Variants in ELMO1 observed in about 807,000 individuals in gnomAD.
ELMO1 encodes engulfment and cell motility protein 1.
In ELMO1, 26 loss-of-function variants were observed where a neutral mutation model predicts 98.9. The ratio of observed to expected loss-of-function variants is 0.26; its 90% CI spans 0.19 to 0.36. ELMO1 has a LOEUF of 0.36. Ranked by LOEUF, ELMO1 falls within the 10% of genes least tolerant of loss-of-function variation. The pLI is 1.00. For synonymous variants in ELMO1, 346 were observed against 346.0 expected, an observed-to-expected ratio of 1.00 and a Z score of 0.00; for missense variants, 627 against 935.2, an observed-to-expected ratio of 0.67 and a Z score of 4.30.
At chr7:37,049,522 T>C (rs1795984807) in intron 15 of ELMO1, among the ~76,000 whole-genome samples, 3 of 152,240 alleles carry the variant, frequency 2.0e-5, no homozygotes, top group East Asian at 3.9e-4. Flanking sequence ...TGGCTTCTTC[T>C]TGGGAGCCTG....
At chr7:37,331,201 G>A (rs987024699) in intron 2 of ELMO1, among the ~76,000 whole-genome samples, 4 of 149,562 alleles carry the variant, frequency 2.7e-5, no homozygotes, top group African/African-American at 7.4e-5. Context: ...ACACAGTCTC[G>A]CTCTGTCGCC....
intron 13 of ELMO1, among the ~76,000 whole-genome samples, chr7:37,141,139 C>T (rs1428874044): frequency 6.6e-6 from 1 of 152,164 alleles, no homozygotes; most frequent in African/African-American, 2.4e-5. Context: ...CCCAAATGCC[C>T]ATCAATCAAT....
chr7:37,156,041 C>T (rs541481513), intron 13 of ELMO1, among the ~76,000 whole-genome samples: 30 of 152,258 alleles, frequency 2.0e-4, no homozygotes, highest in East Asian at 3.9e-4. Context: ...TGCACAACTA[C>T]GTGGAAACTG....
intron 16 of ELMO1, among the ~76,000 whole-genome samples, chr7:36,925,184 C>G (rs1456797868): frequency 6.6e-6 from 1 of 152,170 alleles, no homozygotes; most frequent in Non-Finnish European, 1.5e-5. Flanking sequence ...ATGCACCATT[C>G]CACTTCCCAA....
At chr7:37,408,375 C>T (rs190633519) in intron 1 of ELMO1, among the ~76,000 whole-genome samples, 14 of 152,322 alleles carry the variant, frequency 9.2e-5, no homozygotes, top group East Asian at 5.8e-4. Context: ...TAAGCCCCTA[C>T]GCTCTGTCTT....
intron 2 of ELMO1, among the ~76,000 whole-genome samples, chr7:37,334,441 C>T (rs1178988057): frequency 1.3e-5 from 2 of 152,090 alleles, no homozygotes; most frequent in East Asian, 3.9e-4. Context: ...AGCAAAACTC[C>T]ATCTCAACAA....
chr7:37,214,383 C>T (rs1052784376), intron 11 of ELMO1, among the ~76,000 whole-genome samples: 2 of 152,186 alleles, frequency 1.3e-5, no homozygotes, highest in South Asian at 4.1e-4. Context: ...AGACAGACTG[C>T]TGCAAACCAA....
At chr7:37,141,099 C>T (rs1787608191) in intron 13 of ELMO1, among the ~76,000 whole-genome samples, 1 of 152,168 alleles carries the variant, frequency 6.6e-6, no homozygotes, top group Admixed American at 6.5e-5. Flanking sequence ...TACAGCAGTA[C>T]AATTTGCAAC....
chr7:37,013,292 A>G lies in ELMO1; in HGVS notation c.1437+7T>C. The G allele has an allele frequency of 6.2e-7, 1 of 1,614,024 alleles. No individual in the cohort carries two copies. Among genetic ancestry groups the G allele is most frequent in the Non-Finnish European group, 8.5e-7 (1 of 1,179,932 alleles). On this transcript the variant is annotated splice_region_variant and intron_variant, in intron 16 of 21. Transcript: ENST00000310758. ...AATCCCCTGCCTCTATCCGAGATCC[A>G]CATTACCTTGTTGAAGTCTTCAGAA...
chr7:36,962,922 T>C (rs771137121), intron 16 of ELMO1, among the ~76,000 whole-genome samples: 9 of 151,924 alleles, frequency 5.9e-5, no homozygotes, highest in Admixed American at 1.3e-4. Flanking sequence ...TTACGGAAAA[T>C]TGGAAAAGTG....
chr7:36,972,033 G>A (rs2129133899), intron 16 of ELMO1, among the ~76,000 whole-genome samples: 2 of 152,292 alleles, frequency 1.3e-5, no homozygotes, highest in South Asian at 4.2e-4. Context: ...GGCAGTGGTT[G>A]CTTTCTGGCC....
chr7:37,214,017 A>C (rs1056552153), intron 11 of ELMO1, among the ~76,000 whole-genome samples: 2 of 152,216 alleles, frequency 1.3e-5, no homozygotes. Context: ...AATGCTCGTG[A>C]ATTACTTTAC....
intron 16 of ELMO1, among the ~76,000 whole-genome samples, chr7:36,970,809 A>T (rs949406031): frequency 6.6e-6 from 1 of 152,250 alleles, no homozygotes; most frequent in East Asian, 1.9e-4. Context: ...CTGGCCACTC[A>T]GTCTGAAACT....
intron 4 of ELMO1, among the ~76,000 whole-genome samples, chr7:37,294,855 C>T (rs1797949873): frequency 1.3e-5 from 2 of 151,956 alleles, no homozygotes; most frequent in Non-Finnish European, 2.9e-5. Context: ...CAAAAATTAG[C>T]TGGGTGTGGT....
At chr7:36,898,933 A>G (rs1223296081) in intron 16 of ELMO1, among the ~76,000 whole-genome samples, 3 of 152,170 alleles carry the variant, frequency 2.0e-5, no homozygotes, top group Non-Finnish European at 4.4e-5. Context: ...ATGAACACTC[A>G]TGGAGGCCCT....
intron 18 of ELMO1, among the ~76,000 whole-genome samples, chr7:36,879,126 T>C (rs1032255918): frequency 3.3e-5 from 5 of 152,208 alleles, no homozygotes; most frequent in African/African-American, 7.2e-5. Flanking sequence ...TGAGGGTGTA[T>C]TGTGAACAAT....
intron 15 of ELMO1, among the ~76,000 whole-genome samples, chr7:37,082,588 G>T (rs890799429): frequency 1.3e-5 from 2 of 151,958 alleles, no homozygotes; most frequent in African/African-American, 4.8e-5. Flanking sequence ...TGTAAAAATT[G>T]TGTGTAGTGG....
At position 36,853,163 on chromosome 7, in the gene ELMO1, A is replaced by G. The variant is rs907456027; in HGVS notation, c.*2388T>C. Among the ~76,000 whole-genome samples the G allele has an allele frequency of 1.3e-5, 2 of 152,210 alleles. No individual in the cohort carries two copies. The highest frequency in any genetic ancestry group is 3.9e-4 in the East Asian group (2 of 5,192). On this transcript the variant is annotated 3_prime_UTR_variant, in exon 22 of 22. Transcript: ENST00000310758. The stretch of plus-strand genomic sequence containing the variant: ...CAATCCTTCCCCACATGGTCACAAA[A>G]TGAATGGAAACAGATGGCATACTCT...
At chr7:37,086,367 T>TGTGTGTGA (rs768881408) in intron 15 of ELMO1, among the ~76,000 whole-genome samples, 115 of 147,596 alleles carry the variant, frequency 7.8e-4, no homozygotes, top group African/African-American at 2.8e-3. Context: ...TGTGTGTGTG[T>TGTGTGTGA]GAAGAGAAGG....
Sources: allele counts gnomAD v4.1 joint callset (sites outside exome capture counted in the v4.1 genomes callset), GRCh38; gene constraint gnomAD v4.1.1; transcripts MANE v1.5; gene names NCBI Gene and HGNC (gene_info 2026-07-23, HGNC 2026-07-21).